LOC400499: variants seen among roughly 807,000 people sequenced by gnomAD.
At chr16:11,391,895 G>C in the LOC400499 span, 6 of 1,130,816 alleles carry the variant, frequency 5.3e-6, no homozygotes, top group Non-Finnish European at 6.7e-6. Context: ...ATCAGGGTGA[G>C]GTCCAGGGCA....
the LOC400499 span, among the ~76,000 whole-genome samples, chr16:11,482,324 C>T: frequency 6.6e-6 from 1 of 152,162 alleles, no homozygotes; most frequent in South Asian, 2.1e-4. Context: ...TCCCTGGCAG[C>T]TGGACTTTGC....
At chr16:11,437,080 G>A in the LOC400499 span, among the ~76,000 whole-genome samples, 1 of 152,208 alleles carries the variant, frequency 6.6e-6, no homozygotes, top group East Asian at 1.9e-4. Flanking sequence ...GCTGCATACT[G>A]TATTCCAACT....
At chr16:11,423,426 A>G in the LOC400499 span, among the ~76,000 whole-genome samples, 1 of 152,376 alleles carries the variant, frequency 6.6e-6, no homozygotes, top group Middle Eastern at 3.4e-3. Context: ...CCACGGCATC[A>G]TCATCAAATG....
At chr16:11,514,703 G>A in the LOC400499 span, among the ~76,000 whole-genome samples, 18 of 152,092 alleles carry the variant, frequency 1.2e-4, no homozygotes, top group Admixed American at 1.0e-3. Context: ...GCATCCCTGC[G>A]TCACCCACCC....
the LOC400499 span, among the ~76,000 whole-genome samples, chr16:11,372,972 T>C: frequency 6.6e-6 from 1 of 152,260 alleles, no homozygotes; most frequent in Admixed American, 6.5e-5. Context: ...CCCAGCCTGC[T>C]GAGTTCCTTG....
chr16:11,413,831 T>C, the LOC400499 span, among the ~76,000 whole-genome samples: 2 of 152,152 alleles, frequency 1.3e-5, no homozygotes, highest in Admixed American at 1.3e-4. Flanking sequence ...GGTAATATCA[T>C]CATCCCTGTT....
the LOC400499 span, among the ~76,000 whole-genome samples, chr16:11,446,322 C>CG: frequency 3.0e-3 from 317 of 106,118 alleles, no homozygotes; most frequent in African/African-American, 0.011. Context: ...GCTAATTAAA[C>CG]AATTTTTTTT....
the LOC400499 span, among the ~76,000 whole-genome samples, chr16:11,394,660 G>A: frequency 6.6e-6 from 1 of 152,154 alleles, no homozygotes; most frequent in African/African-American, 2.4e-5. Flanking sequence ...ATGAAGGTAG[G>A]CCACACACCC....
At chr16:11,496,570 T>G in the LOC400499 span, among the ~76,000 whole-genome samples, 1 of 152,160 alleles carries the variant, frequency 6.6e-6, no homozygotes, top group Non-Finnish European at 1.5e-5. Flanking sequence ...AGTACCCTAG[T>G]ATGCGTGTAT....
the LOC400499 span, among the ~76,000 whole-genome samples, chr16:11,505,062 C>G: frequency 6.6e-6 from 1 of 151,904 alleles, no homozygotes; most frequent in Non-Finnish European, 1.5e-5. Flanking sequence ...TGGCCGCATG[C>G]TACTCAGTAG....
chr16:11,385,557 G>A, the LOC400499 span: 281 of 501,430 alleles, frequency 5.6e-4, 1 homozygote, highest in East Asian at 7.5e-3. Context: ...CTCCCCTGGC[G>A]CAGCAGCCAG....
At chr16:11,372,905 G>A in the LOC400499 span, among the ~76,000 whole-genome samples, 1 of 152,202 alleles carries the variant, frequency 6.6e-6, no homozygotes, top group African/African-American at 2.4e-5. Flanking sequence ...AAGAGCAGCG[G>A]GCATGGGTCA....
At chr16:11,382,135 G>T in the LOC400499 span, among the ~76,000 whole-genome samples, 1 of 151,542 alleles carries the variant, frequency 6.6e-6, no homozygotes, top group African/African-American at 2.4e-5. Flanking sequence ...CAGGGGTTTC[G>T]CCATGTTGGC....
chr16:11,440,291 A>T, the LOC400499 span, among the ~76,000 whole-genome samples: 1 of 152,198 alleles, frequency 6.6e-6, no homozygotes, highest in African/African-American at 2.4e-5. Flanking sequence ...CATATAGCTA[A>T]AACTACATTT....
chr16:11,479,594 G>C, the LOC400499 span, among the ~76,000 whole-genome samples: 3 of 152,078 alleles, frequency 2.0e-5, no homozygotes, highest in African/African-American at 7.2e-5. Context: ...CTATACTCCA[G>C]CCTGGACAAC....
At chr16:11,435,167 A>C in the LOC400499 span, among the ~76,000 whole-genome samples, 1 of 152,026 alleles carries the variant, frequency 6.6e-6, no homozygotes, top group Admixed American at 6.6e-5. Flanking sequence ...TTTTCTGTAC[A>C]GATGGGGTCT....
chr16:11,518,260 A>C, the LOC400499 span, among the ~76,000 whole-genome samples: 2 of 152,194 alleles, frequency 1.3e-5, no homozygotes, highest in Non-Finnish European at 2.9e-5. Flanking sequence ...TTAACAAATG[A>C]ATTTGCAATA....
At chr16:11,393,161 C>G in the LOC400499 span, among the ~76,000 whole-genome samples, 4 of 142,674 alleles carry the variant, frequency 2.8e-5, no homozygotes, top group Non-Finnish European at 6.3e-5. Flanking sequence ...GCCACCCCCC[C>G]CCCTTTTTTT....
At chr16:11,447,829 A>G in the LOC400499 span, 1,134,694 of 1,392,652 alleles carry the variant, frequency 0.81, 463,628 homozygotes, top group South Asian at 0.85. Context: ...AGGTCAGCAG[A>G]GATTCTCCAG....
Sources: gnomAD v4.1 joint callset for allele counts (sites outside exome capture counted in the v4.1 genomes callset) on GRCh38, gnomAD v4.1.1 for gene constraint, MANE v1.5 for transcripts.